Variants in CDH13 observed in about 807,000 individuals in gnomAD.
CDH13 encodes cadherin 13.
Under a neutral mutation model 63.8 loss-of-function variants are expected in CDH13, and 24 were observed. That is an observed-to-expected ratio of 0.38 (90% CI 0.27 to 0.53). CDH13 has a LOEUF of 0.53. Among genes scored for constraint, CDH13 ranks in the 20% least tolerant of loss-of-function variants. CDH13 has a pLI of 0.85. For missense variants in CDH13, 1,049 were observed against 903.1 expected, an observed-to-expected ratio of 1.16 and a Z score of -2.07; for synonymous variants, 503 against 355.3, an observed-to-expected ratio of 1.42 and a Z score of -4.67.
At chr16:82,831,939 T>G (rs1470725049) in intron 1 of CDH13, among the ~76,000 whole-genome samples, 2 of 152,200 alleles carry the variant, frequency 1.3e-5, no homozygotes. Flanking sequence ...GATGACCTTT[T>G]GAAAGAATAA....
rs143510761 is a variant in CDH13, at chr16:83,142,800, A to C, written c.483+17299A>C. 8.5e-4 allele frequency among the ~76,000 whole-genome samples: 130 copies of C among 152,250 alleles called. 2 individuals are homozygous for C. In the East Asian group the frequency reaches 0.022, roughly 26 times the overall value. ...AGGCCAACTCCAGTGGTCTCTCTAC[A>C]AGGTGATAAAAGAGTAAAGGGGCCG... On this transcript the variant is annotated intron_variant, in intron 4 of 13. Coordinates refer to ENST00000567109, the MANE Select transcript of CDH13 (RefSeq NM_001257.5).
At chr16:83,196,339 A>G (rs1363411064) in intron 4 of CDH13, among the ~76,000 whole-genome samples, 1 of 152,192 alleles carries the variant, frequency 6.6e-6, no homozygotes, top group African/African-American at 2.4e-5. Flanking sequence ...AAACTTTAAG[A>G]AAAAAGTAGG....
At chr16:83,155,234 A>G (rs2037159270) in intron 4 of CDH13, among the ~76,000 whole-genome samples, 1 of 152,238 alleles carries the variant, frequency 6.6e-6, no homozygotes, top group African/African-American at 2.4e-5. Context: ...GGGGAGAGAC[A>G]TCTCAAGTGT....
At chr16:83,755,462 C>A (rs1361712884) in intron 11 of CDH13, among the ~76,000 whole-genome samples, 4 of 152,084 alleles carry the variant, frequency 2.6e-5, no homozygotes, top group African/African-American at 9.7e-5. Context: ...GTTTAGCAAA[C>A]CACAAGCTGG....
At chr16:83,074,204 A>G (rs2032658714) in intron 3 of CDH13, among the ~76,000 whole-genome samples, 1 of 151,996 alleles carries the variant, frequency 6.6e-6, no homozygotes. Context: ...CTTTTTCTCC[A>G]TATTTTAGGT....
chr16:83,072,194 C>G (rs959158569), intron 3 of CDH13, among the ~76,000 whole-genome samples: 7 of 152,090 alleles, frequency 4.6e-5, no homozygotes, highest in African/African-American at 1.4e-4. Context: ...GGGTGCTAAA[C>G]CTTCAGTGGA....
intron 5 of CDH13, among the ~76,000 whole-genome samples, chr16:83,290,966 C>T (rs2089451937): frequency 6.6e-6 from 1 of 152,146 alleles, no homozygotes; most frequent in Non-Finnish European, 1.5e-5. Context: ...AGCCTCCTTC[C>T]ACTTCGCCTT....
At chr16:82,855,647 A>G (rs2039652292) in intron 1 of CDH13, among the ~76,000 whole-genome samples, 1 of 152,230 alleles carries the variant, frequency 6.6e-6, no homozygotes, top group South Asian at 2.1e-4. Context: ...CGATCTAACC[A>G]GAGCCTGCTC....
chr16:83,567,855 A>G lies in CDH13; in HGVS notation c.961-34599A>G, dbSNP rs1200948310. 5.3e-5 allele frequency among the ~76,000 whole-genome samples: 8 copies of G among 151,806 alleles called. No individual in the cohort carries two copies. The South Asian group carries it at 1.5e-3, about 28-fold the overall frequency. On this transcript the variant is annotated intron_variant, in intron 7 of 13. Transcript: ENST00000567109. Reference sequence around the variant, plus strand: ...CGTGATCCACCTGCCTCGGCCTCCCAAAGTGCTGGGATTACAGGCATGAGC... The same window carrying G: ...CGTGATCCACCTGCCTCGGCCTCCCGAAGTGCTGGGATTACAGGCATGAGC...
At chr16:83,377,104 T>G (rs1348248652) in intron 6 of CDH13, among the ~76,000 whole-genome samples, 1 of 152,174 alleles carries the variant, frequency 6.6e-6, no homozygotes, top group Non-Finnish European at 1.5e-5. Flanking sequence ...GAATCTGAGA[T>G]GTACCACCCA....
intron 2 of CDH13, among the ~76,000 whole-genome samples, chr16:83,006,550 T>C (rs1334978140): frequency 7.2e-5 from 11 of 152,184 alleles, no homozygotes. Context: ...AACACCATTC[T>C]TGGTGGTGCC....
chr16:82,688,088 T>G (rs554375902), intron 1 of CDH13, among the ~76,000 whole-genome samples: 1 of 152,294 alleles, frequency 6.6e-6, no homozygotes, highest in South Asian at 2.1e-4. Context: ...TTTACCTTTT[T>G]GTGAAGCTGG....
intron 4 of CDH13, among the ~76,000 whole-genome samples, chr16:83,140,237 C>G (rs1250379457): frequency 1.3e-5 from 2 of 152,156 alleles, no homozygotes; most frequent in Non-Finnish European, 2.9e-5. Context: ...CTTTGAGGAG[C>G]TCCACTTCTA....
intron 7 of CDH13, among the ~76,000 whole-genome samples, chr16:83,569,781 GGCTGGAGTGCAGTGGTACAATCTCC>G (rs1807823253): frequency 6.6e-6 from 1 of 152,154 alleles, no homozygotes; most frequent in African/African-American, 2.4e-5. Flanking sequence ...CTGTCTCCCA[GGCTGGAGTGCAGTGGTACAATCTCC>G]GCTCACTGCA....
chr16:83,735,533 C>G (rs1388234912), intron 10 of CDH13: 1 of 152,176 alleles, frequency 6.6e-6, no homozygotes, highest in Non-Finnish European at 1.5e-5. Flanking sequence ...AACATCTCCC[C>G]CTTCTTCAGC....
intron 1 of CDH13, among the ~76,000 whole-genome samples, chr16:82,809,940 C>A (rs978591320): frequency 1.3e-5 from 2 of 152,230 alleles, no homozygotes; most frequent in South Asian, 2.1e-4. Flanking sequence ...TTAACTGATA[C>A]GTAGACTTGC....
At chr16:83,034,395 G>A (rs980232944) in intron 3 of CDH13, among the ~76,000 whole-genome samples, 1 of 152,164 alleles carries the variant, frequency 6.6e-6, no homozygotes, top group Non-Finnish European at 1.5e-5. Context: ...CGGCACGTCA[G>A]TCATGTTTCA....
At chr16:83,670,647 C>T in intron 8 of CDH13, 143 bp from the exon 9 acceptor site, 1 of 770,098 alleles carries the variant, frequency 1.3e-6, no homozygotes, top group East Asian at 2.7e-5. Context: ...AGAAGAAGAG[C>T]ATAGTATCTT....
At chr16:83,411,582 T>G (rs920657792) in intron 6 of CDH13, among the ~76,000 whole-genome samples, 2 of 152,222 alleles carry the variant, frequency 1.3e-5, no homozygotes, top group East Asian at 3.8e-4. Flanking sequence ...CTACCATTCA[T>G]TTGGCACACA....
Sources: gnomAD v4.1 joint callset for allele counts (sites outside exome capture counted in the v4.1 genomes callset) on GRCh38, gnomAD v4.1.1 for gene constraint, MANE v1.5 for transcripts, NCBI Gene and HGNC (gene_info 2026-07-23, HGNC 2026-07-21) for gene names.